Variants in PLCB1 observed in about 807,000 individuals in gnomAD.
The protein encoded by PLCB1 is 1-phosphatidylinositol 4,5-bisphosphate phosphodiesterase beta-1.
Under a neutral mutation model 161.8 loss-of-function variants are expected in PLCB1, and 46 were observed. That is an observed-to-expected ratio of 0.28 (90% CI 0.22 to 0.36). The LOEUF (loss-of-function observed/expected upper bound fraction) is 0.36, where lower values mean the gene tolerates loss of function less well. PLCB1 is among the 10% of genes least tolerant of loss of function. PLCB1 has a pLI of 1.00. For synonymous variants in PLCB1, 517 were observed against 503.7 expected (o/e 1.03, Z -0.35); for missense variants, 1,016 against 1,472.5 (o/e 0.69, Z 5.07).
chr20:8,194,976 A>G (rs1297180712), intron 2 of PLCB1, among the ~76,000 whole-genome samples: 1 of 152,028 alleles, frequency 6.6e-6, no homozygotes, highest in East Asian at 1.9e-4. Context: ...GAAGCAAACA[A>G]ATTCAACTGG....
At chr20:8,495,398 T>TC (rs1215200233) in intron 3 of PLCB1, among the ~76,000 whole-genome samples, 2 of 37,786 alleles carry the variant, frequency 5.3e-5, no homozygotes, top group Non-Finnish European at 1.6e-4. Context: ...CTTTTTTTTT[T>TC]TTTTTTTTTT....
At chr20:8,556,774 G>A (rs944095149) in intron 3 of PLCB1, among the ~76,000 whole-genome samples, 4 of 151,318 alleles carry the variant, frequency 2.6e-5, no homozygotes, top group African/African-American at 7.3e-5. Flanking sequence ...AGACTTCAGA[G>A]TCCATACAAC....
intron 3 of PLCB1, among the ~76,000 whole-genome samples, chr20:8,435,620 G>T (rs1387212305): frequency 6.6e-6 from 1 of 152,116 alleles, no homozygotes; most frequent in East Asian, 1.9e-4. Context: ...AAAAGCCAGA[G>T]CCCTCAGTCA....
intron 31 of PLCB1, among the ~76,000 whole-genome samples, chr20:8,837,487 G>T (rs565312878): frequency 6.6e-6 from 1 of 152,314 alleles, no homozygotes; most frequent in South Asian, 2.1e-4. Flanking sequence ...ATTTAATTTT[G>T]CAGCTCAGGC....
intron 2 of PLCB1, among the ~76,000 whole-genome samples, chr20:8,344,635 C>T (rs1390560178): frequency 2.6e-5 from 4 of 152,178 alleles, no homozygotes; most frequent in Non-Finnish European, 4.4e-5. Flanking sequence ...AAAGTCACGT[C>T]CCCTGTAGTA....
intron 3 of PLCB1, among the ~76,000 whole-genome samples, chr20:8,422,856 A>C (rs1600390533): frequency 6.6e-6 from 1 of 152,188 alleles, no homozygotes; most frequent in African/African-American, 2.4e-5. Flanking sequence ...ATCTGAGCCT[A>C]GTTCCCAGTG....
At chr20:8,296,077 T>C (rs1983615642) in intron 2 of PLCB1, among the ~76,000 whole-genome samples, 1 of 152,162 alleles carries the variant, frequency 6.6e-6, no homozygotes, top group Non-Finnish European at 1.5e-5. Context: ...TTGAAATCTA[T>C]ATTAAGATAG....
intron 3 of PLCB1, among the ~76,000 whole-genome samples, chr20:8,390,779 T>G (rs1987563949): frequency 6.6e-6 from 1 of 152,090 alleles, no homozygotes; most frequent in African/African-American, 2.4e-5. Flanking sequence ...CAAGTGCCTA[T>G]AAGAGTATAG....
intron 3 of PLCB1, among the ~76,000 whole-genome samples, chr20:8,540,555 C>G (rs938563833): frequency 4.6e-5 from 7 of 152,284 alleles, no homozygotes; most frequent in Admixed American, 3.3e-4. Context: ...ACCTTTCACA[C>G]AAACCTTCCT....
intron 2 of PLCB1, among the ~76,000 whole-genome samples, chr20:8,309,097 G>C (rs1984272150): frequency 6.6e-6 from 1 of 151,956 alleles, no homozygotes; most frequent in African/African-American, 2.4e-5. Context: ...GTATTTTTCT[G>C]ACCCATTTTA....
At position 8,414,198 on chromosome 20, in the gene PLCB1, T is replaced by C. The variant is rs942112427; in HGVS notation, c.246+42748T>C. 3.3e-5 allele frequency among the ~76,000 whole-genome samples: 5 copies of C among 152,124 alleles called. No homozygotes were observed. The East Asian group carries it at 7.7e-4, about 23-fold the overall frequency. On this transcript the variant is annotated intron_variant, in intron 3 of 31. Transcript: ENST00000338037. ...AAGAGATCTGTTTTCTCAATCGTCA[T>C]ACTAAAAAATGAGTGGTGTCTGCAC...
intron 2 of PLCB1, among the ~76,000 whole-genome samples, chr20:8,208,632 C>A (rs1978656890): frequency 6.6e-6 from 1 of 151,460 alleles, no homozygotes; most frequent in Non-Finnish European, 1.5e-5. Context: ...TCCTAGATGT[C>A]ATGTGGAGTG....
At chr20:8,416,526 G>C (rs1004436213) in intron 3 of PLCB1, among the ~76,000 whole-genome samples, 8 of 152,100 alleles carry the variant, frequency 5.3e-5, no homozygotes, top group African/African-American at 1.9e-4. Flanking sequence ...GTAATTTACT[G>C]TCCCTTTGGA....
chr20:8,406,014 C>CT (rs61003140), intron 3 of PLCB1, among the ~76,000 whole-genome samples: 6,164 of 145,890 alleles, frequency 0.042, 307 homozygotes, highest in African/African-American at 0.12. Flanking sequence ...TTTTTTCTTC[C>CT]TTTTTTTTTT....
chr20:8,340,823 T>C (rs1985782068), intron 2 of PLCB1, among the ~76,000 whole-genome samples: 1 of 152,212 alleles, frequency 6.6e-6, no homozygotes, highest in Admixed American at 6.5e-5. Flanking sequence ...CTGATGTTCC[T>C]GTGATCTCAT....
chr20:8,533,713 T>G (rs1984923985), intron 3 of PLCB1, among the ~76,000 whole-genome samples: 1 of 151,268 alleles, frequency 6.6e-6, no homozygotes, highest in Non-Finnish European at 1.5e-5. Context: ...ATGGGGTTGT[T>G]TGTTTTTTTC....
At chr20:8,170,154 A>G (rs1302576781) in intron 2 of PLCB1, among the ~76,000 whole-genome samples, 1 of 152,156 alleles carries the variant, frequency 6.6e-6, no homozygotes, top group Non-Finnish European at 1.5e-5. Context: ...TCTTTGTTGT[A>G]GTATCTGAGA....
At chr20:8,870,103 A>G (rs1987561854) in intron 31 of PLCB1, among the ~76,000 whole-genome samples, 1 of 152,220 alleles carries the variant, frequency 6.6e-6, no homozygotes, top group Admixed American at 6.5e-5. Flanking sequence ...CTCATCTCTC[A>G]TAAGAGAAGC....
At chr20:8,206,618 T>C (rs1177393650) in intron 2 of PLCB1, among the ~76,000 whole-genome samples, 7 of 152,186 alleles carry the variant, frequency 4.6e-5, no homozygotes, top group African/African-American at 9.6e-5. Flanking sequence ...ATACTTACTA[T>C]ATTTTAGCTA....
Sources: allele counts gnomAD v4.1 joint callset (sites outside exome capture counted in the v4.1 genomes callset), GRCh38; gene constraint gnomAD v4.1.1; transcripts MANE v1.5; gene names NCBI Gene and HGNC (gene_info 2026-07-23, HGNC 2026-07-21).